Variants in NRG1 observed in about 807,000 individuals in gnomAD.
NRG1 encodes the protein neuregulin 1.
A neutral mutation model predicts 63.8 loss-of-function variants in NRG1; 18 were observed. That is an observed-to-expected ratio of 0.28 (90% CI 0.19 to 0.42). NRG1 has a LOEUF of 0.42. Ranked by LOEUF, NRG1 falls within the 10% of genes least tolerant of loss-of-function variation. The pLI is 1.00. For missense variants in NRG1, 762 were observed against 814.7 expected, an observed-to-expected ratio of 0.94 and a Z score of 0.79; for synonymous variants, 302 against 301.3, an observed-to-expected ratio of 1.00 and a Z score of -0.02.
intron 1 of NRG1, among the ~76,000 whole-genome samples, chr8:32,552,513 A>G (rs1172572474): frequency 6.6e-6 from 1 of 152,080 alleles, no homozygotes. Context: ...GACATCACCC[A>G]CCTGTTTCCC....
intron 1 of NRG1, among the ~76,000 whole-genome samples, chr8:32,092,786 A>G (rs1829371468): frequency 2.0e-5 from 3 of 152,172 alleles, no homozygotes; most frequent in South Asian, 2.1e-4. Context: ...AGAAGTTCCA[A>G]TGCCACCTGT....
At chr8:32,358,732 A>G (rs964207111) in intron 1 of NRG1, among the ~76,000 whole-genome samples, 2 of 152,176 alleles carry the variant, frequency 1.3e-5, no homozygotes, top group African/African-American at 4.8e-5. Flanking sequence ...AGAGATACCA[A>G]TATAGACATG....
chr8:32,533,231 A>C (rs934932390), intron 1 of NRG1, among the ~76,000 whole-genome samples: 4 of 152,076 alleles, frequency 2.6e-5, no homozygotes, highest in African/African-American at 9.6e-5. Context: ...CAACAACAAC[A>C]TCACTAGAAA....
intron 1 of NRG1, among the ~76,000 whole-genome samples, chr8:31,947,071 C>T (rs1306383772): frequency 2.0e-5 from 3 of 151,930 alleles, no homozygotes; most frequent in Admixed American, 2.0e-4. Flanking sequence ...GAGGCCGAGG[C>T]GGGTGGATCA....
chr8:32,158,920 C>T (rs1337545908), intron 1 of NRG1, among the ~76,000 whole-genome samples: 3 of 152,000 alleles, frequency 2.0e-5, no homozygotes, highest in Non-Finnish European at 4.4e-5. Flanking sequence ...TGAGAGATAG[C>T]CCCTGAGCCA....
intron 1 of NRG1, among the ~76,000 whole-genome samples, chr8:31,709,490 A>T (rs4733271): frequency 0.72 from 109,550 of 151,812 alleles, 39,782 homozygotes; most frequent in East Asian, 0.91. Flanking sequence ...ATAATTTTTT[A>T]AAATTTTTCC....
chr8:31,918,772 G>T (rs1833636859), intron 1 of NRG1, among the ~76,000 whole-genome samples: 3 of 152,232 alleles, frequency 2.0e-5, no homozygotes, highest in African/African-American at 7.2e-5. Context: ...GTTTCAGAAG[G>T]AATGGTACCA....
intron 1 of NRG1, among the ~76,000 whole-genome samples, chr8:32,480,741 C>T (rs1422291355): frequency 6.6e-6 from 1 of 152,056 alleles, no homozygotes; most frequent in African/African-American, 2.4e-5. Context: ...AAGGGGGAGC[C>T]CACATATCAG....
chr8:31,799,751 T>C (rs922937100), intron 1 of NRG1, among the ~76,000 whole-genome samples: 3 of 152,170 alleles, frequency 2.0e-5, no homozygotes, highest in African/African-American at 7.2e-5. Context: ...CGCCTGTATA[T>C]ATACACGTAT....
chr8:32,739,891 T>C (rs1825924489), intron 6 of NRG1, among the ~76,000 whole-genome samples: 1 of 152,186 alleles, frequency 6.6e-6, no homozygotes, highest in Non-Finnish European at 1.5e-5. Flanking sequence ...GGATTATTTG[T>C]GCTCAGTATG....
chr8:32,517,019 A>T (rs1352000206), intron 1 of NRG1, among the ~76,000 whole-genome samples: 1 of 152,196 alleles, frequency 6.6e-6, no homozygotes, highest in Non-Finnish European at 1.5e-5. Context: ...AAAATATTTA[A>T]GAAATTCTAT....
chr8:32,095,256 A>G (rs1255606418), intron 1 of NRG1, among the ~76,000 whole-genome samples: 2 of 152,196 alleles, frequency 1.3e-5, no homozygotes, highest in Admixed American at 6.5e-5. Flanking sequence ...TGTTTTCAAT[A>G]TAAGATAACA....
intron 1 of NRG1, among the ~76,000 whole-genome samples, chr8:32,176,717 A>G (rs1198474573): frequency 1.3e-5 from 2 of 152,224 alleles, no homozygotes; most frequent in African/African-American, 4.8e-5. Context: ...ACCAAAAGAC[A>G]CATGAAAAAA....
At chr8:32,415,962 C>G (rs10087829) in intron 1 of NRG1, among the ~76,000 whole-genome samples, 1 of 152,010 alleles carries the variant, frequency 6.6e-6, no homozygotes, top group African/African-American at 2.4e-5. Context: ...GACCACACTG[C>G]AGCCTTTAGT....
chr8:31,967,852 C>T (rs1806615276), intron 1 of NRG1, among the ~76,000 whole-genome samples: 1 of 152,230 alleles, frequency 6.6e-6, no homozygotes, highest in African/African-American at 2.4e-5. Context: ...GCCCATGGTA[C>T]TAAAGTACCG....
chr8:32,236,618 T>C (rs1847587382), intron 1 of NRG1, among the ~76,000 whole-genome samples: 1 of 152,174 alleles, frequency 6.6e-6, no homozygotes, highest in South Asian at 2.1e-4. Context: ...GCAATTAAAT[T>C]TGTTTTCTTT....
intron 1 of NRG1, among the ~76,000 whole-genome samples, chr8:32,583,410 G>A (rs1411110510): frequency 4.6e-5 from 7 of 152,034 alleles, no homozygotes; most frequent in African/African-American, 1.7e-4. Context: ...TTTTTGATAG[G>A]GTCTATCAAG....
At position 32,138,600 on chromosome 8, in the gene NRG1, G is replaced by A. The variant is rs112166601; in HGVS notation, c.38-457228G>A. 7.3e-3 allele frequency among the ~76,000 whole-genome samples: 1,104 copies of A among 151,808 alleles called. 26 individuals carry two copies. The highest frequency in any genetic ancestry group is 0.024 in the African/African-American group (1,014 of 41,414). On this transcript the variant is annotated intron_variant, in intron 1 of 10. Coordinates refer to the NRG1 transcript ENST00000519301. The stretch of plus-strand genomic sequence containing the variant: ...TTTTGAGACAGGGTCTCACTCTGTC[G>A]CCCAGACTGGAGTGCGCAGTGGTGC...
intron 5 of NRG1, among the ~76,000 whole-genome samples, chr8:32,652,565 A>T (rs867845470): frequency 6.6e-6 from 1 of 152,020 alleles, no homozygotes; most frequent in Non-Finnish European, 1.5e-5. Context: ...TTTATAGGTC[A>T]GTATTTCATT....
Sources: gnomAD v4.1 joint callset for allele counts (sites outside exome capture counted in the v4.1 genomes callset) on GRCh38, gnomAD v4.1.1 for gene constraint, MANE v1.5 for transcripts, NCBI Gene and HGNC (gene_info 2026-07-23, HGNC 2026-07-21) for gene names.